Variants in INF2 observed in about 807,000 individuals in gnomAD.
The protein encoded by INF2 is inverted formin-2.
In INF2, 43 loss-of-function variants were observed where a neutral mutation model predicts 123.5. The ratio of observed to expected loss-of-function variants is 0.35; its 90% confidence interval spans 0.27 to 0.45. The LOEUF is 0.45. Among genes scored for constraint, INF2 ranks in the 20% least tolerant of loss-of-function variants. The pLI, the probability that INF2 is intolerant of heterozygous loss-of-function variation, is 1.00. For missense variants in INF2, 1,453 were observed against 1,682.7 expected (o/e 0.86, Z 2.39); for synonymous variants, 851 against 745.0 (o/e 1.14, Z -2.32).
chr14:104,708,395 G>GA, intron 8 of INF2, 41 bp from the exon 9 acceptor site: 1 of 1,585,970 alleles, frequency 6.3e-7, no homozygotes, highest in Non-Finnish European at 8.6e-7. Flanking sequence ...GCCAGGCCCC[G>GA]GGGCTGCGAG....
chr14:104,715,358 G>A lies in INF2; in HGVS notation c.*1+18G>A, dbSNP rs779702900. The A allele has an allele frequency of 9.9e-6, 16 of 1,609,576 alleles. No individual in the cohort carries two copies. Among genetic ancestry groups the A allele is most frequent in the East Asian group, 4.5e-5 (2 of 44,880 alleles). On this transcript the variant is annotated intron_variant, in intron 22 of 22. Coordinates refer to ENST00000392634, the MANE Select transcript of INF2 (RefSeq NM_022489.4). ...CCAGTAAGGTATGTACGCAGCCGGC[G>A]CTCCGTGGGGGCTAACAGCAGCTGC... is the stretch of plus-strand genomic sequence containing the variant.
chr14:104,695,531 G>A (rs369270252), intron 1 of INF2, among the ~76,000 whole-genome samples: 22 of 147,436 alleles, frequency 1.5e-4, no homozygotes, highest in South Asian at 1.2e-3. Flanking sequence ...GCTTCCTGGC[G>A]TGGGGCCTCC....
At chr14:104,685,428 C>T (rs1303079530), upstream of INF2, among the ~76,000 whole-genome samples, 1 of 152,118 alleles carries the variant, frequency 6.6e-6, no homozygotes, top group Non-Finnish European at 1.5e-5. Flanking sequence ...GGCAAAGCTG[C>T]CAGCTACAGA....
Position 104,721,579 on chromosome 14 carries a change from CCCAT to C in INF2, c.*2791_*2794del, listed in dbSNP as rs1221817065. On this transcript the variant is annotated 3_prime_UTR_variant, in exon 23 of 23. Coordinates refer to ENST00000392634, the MANE Select transcript of INF2 (RefSeq NM_022489.4). ...CAAAGCAGCTGCACCATTTTTCATT[CCCAT>C]CCATGCTATTGTTTTTCAGTTAAAT... is the stretch of plus-strand genomic sequence containing the variant. 3 of 153,922 alleles carry C rather than the reference CCCAT, an allele frequency of 1.9e-5. No individual in the cohort carries two copies. Among genetic ancestry groups the C allele is most frequent in the Non-Finnish European group, 4.3e-5 (3 of 69,164 alleles). 9.5% of individuals were successfully genotyped at this position (153,922 alleles called of 1,614,324 possible). A position where few individuals can be genotyped will look rare whatever the true frequency, so the allele number is the denominator to read the frequency against.
Position 104,707,776 on chromosome 14 carries a change from C to A in INF2, c.1509C>A (p.Pro503=). The A allele has an allele frequency of 2.9e-6, 4 of 1,375,650 alleles. No homozygotes were observed. Among genetic ancestry groups the A allele is most frequent in the South Asian group, 1.2e-5 (1 of 80,604 alleles). 85.2% of individuals were successfully genotyped at this position (1,375,650 alleles called of 1,614,324 possible). The change falls in exon 8 of 23, where the codon CCC becomes CCA. Residue 503 remains proline, a synonymous_variant. Coordinates refer to ENST00000392634, the MANE Select transcript of INF2 (RefSeq NM_022489.4). ...PLPGLGCPPP[P]PPLLPGMGWG... The stretch of plus-strand genomic sequence containing the variant: ...CGGGCTTGGGATGCCCGCCCCCACC[C>A]CCACCCCTGCTGCCTGGTATGGGCT...
chr14:104,713,225 G>C lies in INF2; in HGVS notation c.2794G>C (p.Glu932Gln), dbSNP rs1474020700. Residue 932 changes from glutamate to glutamine, a missense_variant, in exon 19 of 23, where the codon GAG becomes CAG. By Grantham distance (29) the Glu-to-Gln change is conservative. Coordinates refer to ENST00000392634, the MANE Select transcript of INF2 (RefSeq NM_022489.4). ...RALKENKDRK[E>Q]QAAKAERRKQ... ...AGTGCAGGAGAACAAGGACCGGAAGGAGCAGGCGGCGAAGGCAGAGAGGAG... is the reference window on the plus strand; with the variant it reads ...AGTGCAGGAGAACAAGGACCGGAAGCAGCAGGCGGCGAAGGCAGAGAGGAG... The C allele has an allele frequency of 7.7e-6, 12 of 1,554,926 alleles. No individual in the cohort carries two copies. The highest frequency in any genetic ancestry group is 1.0e-5 in the Non-Finnish European group (12 of 1,150,158).
chr14:104,684,049 T>C lies in INF2; in HGVS notation c.-104+2467T>C, dbSNP rs898505029. On this transcript the variant is annotated intron_variant, in intron 1 of 2. Transcript: ENST00000674723. The surrounding 1 kb of genome is among the most constrained non-coding windows in gnomAD (Gnocchi z 5.0). ...ACCAGGGTTGCAAGGCCCAGTGTCT[T>C]CTCACCTCGTTAGGTGGAGAACCCC... The C allele has an allele frequency of 2.2e-6, 1 of 455,890 alleles. No homozygotes were observed. The highest frequency in any genetic ancestry group is 4.4e-6 in the Non-Finnish European group (1 of 226,776). The allele number at this position is 455,890 out of a possible 1,614,324, so 28.2% of individuals were successfully genotyped here.
chr14:104,710,067 C>T (rs1263483656), intron 12 of INF2, 21 bp from the exon 13 acceptor site: 1 of 1,536,298 alleles, frequency 6.5e-7, no homozygotes, highest in African/African-American at 1.4e-5. Context: ...GGCCACTGAT[C>T]CCTGTCTGTG....
chr14:104,705,260 T>C (rs1889728147), intron 5 of INF2, among the ~76,000 whole-genome samples: 1 of 152,074 alleles, frequency 6.6e-6, no homozygotes, highest in Non-Finnish European at 1.5e-5. Context: ...CTACTAAAAG[T>C]ACAAAAATTA....
At chr14:104,687,394 T>C (rs1397219116), upstream of INF2, among the ~76,000 whole-genome samples, 1 of 151,940 alleles carries the variant, frequency 6.6e-6, no homozygotes, top group Non-Finnish European at 1.5e-5. This position sits in a 1 kb window ranked among gnomAD's most constrained non-coding sequence, Gnocchi z 5.6. Context: ...GGTTCAAGCC[T>C]GACGGAAAAC....
chr14:104,710,268 C>A, intron 13 of INF2, 80 bp downstream of exon 13: 1 of 985,096 alleles, frequency 1.0e-6, no homozygotes, highest in South Asian at 1.4e-5. Context: ...GGGGCCCCTG[C>A]TACTGCCAGT....
At position 104,707,375 on chromosome 14, in the gene INF2, G is replaced by A; in HGVS notation, c.1108G>A (p.Gly370Ser). 2 of 1,594,832 alleles carry A rather than the reference G, an allele frequency of 1.3e-6. No homozygotes were observed. The highest frequency in any genetic ancestry group is 1.7e-6 in the Non-Finnish European group (2 of 1,171,956). ...GGCCAACCTAGACCAGAGCCAGAGG[G>A]GCAGCTCCCCGCAAAACACTACAAC... ...VQANLDQSQR[G>S]SSPQNTTTPK... Residue 370 changes from glycine to serine, a missense_variant, in exon 8 of 23, where the codon GGC (glycine) becomes AGC (serine). This residue lies in a region of INF2 where 374 missense variants were observed against 303.7 expected (regional missense o/e 1.23). Transcript: ENST00000392634.
At chr14:104,690,661 C>T in intron 1 of INF2, 1 of 152,456 alleles carries the variant, frequency 6.6e-6, no homozygotes, top group Non-Finnish European at 1.5e-5. Flanking sequence ...TCCCTTACTG[C>T]CAGCCCTGCC....
intron 1 of INF2, among the ~76,000 whole-genome samples, chr14:104,691,936 C>A (rs1888972490): frequency 6.6e-6 from 1 of 152,058 alleles, no homozygotes; most frequent in Non-Finnish European, 1.5e-5. Flanking sequence ...ACCCTGGCAA[C>A]CACCAGGCCA....
At position 104,681,460 on chromosome 14, in the gene INF2, T is replaced by C. The variant is rs1206348883; in HGVS notation, c.-226T>C. ...CTGGGGCAGCGTCTAGGAGGCCTGA[T>C]GTAGAAAGCACTCAGCTAAGCCCTA... On this transcript the variant is annotated 5_prime_UTR_variant, in exon 1 of 3. Coordinates refer to the INF2 transcript ENST00000674723. The C allele has an allele frequency of 5.4e-6, 4 of 737,698 alleles. No homozygotes were observed. In the South Asian group the frequency reaches 5.7e-5, roughly 11 times the overall value. The allele number at this position is 737,698 out of a possible 1,614,324, so 45.7% of individuals were successfully genotyped here. A position where few individuals can be genotyped will look rare whatever the true frequency, so the allele number is the denominator to read the frequency against.
chr14:104,701,843 G>C, intron 2 of INF2, 87 bp downstream of exon 2: 1 of 1,363,590 alleles, frequency 7.3e-7, no homozygotes, highest in Non-Finnish European at 9.7e-7. Context: ...GGAGGCCTGG[G>C]GAACCACCAG....
upstream of INF2, among the ~76,000 whole-genome samples, chr14:104,687,465 CACACACACACACAT>C (rs1566769347): frequency 1.4e-5 from 2 of 145,138 alleles, no homozygotes; most frequent in South Asian, 2.2e-4. The surrounding 1 kb of genome is among the most constrained non-coding windows in gnomAD (Gnocchi z 5.6). Flanking sequence ...CCACTCCACA[CACACACACACACAT>C]ACACACACAC....
chr14:104,713,731 T>C, intron 20 of INF2, 125 bp downstream of exon 20: 1 of 1,079,342 alleles, frequency 9.3e-7, no homozygotes, highest in Non-Finnish European at 1.3e-6. Flanking sequence ...TGGAGGCCCC[T>C]AAGACTGGGG....
chr14:104,707,831 C>G lies in INF2; in HGVS notation c.1564C>G (p.Leu522Val). The stretch of plus-strand genomic sequence containing the variant: ...CCCTCCTCCACCCCCACCTCCACTA[C>G]TGCCCTGCACCTGCAGCCCCCCCGT... Reference protein sequence around the residue: ...WGPPPPPPPLLPCTCSPPVAG... With the variant: ...WGPPPPPPPLVPCTCSPPVAG... The change falls in exon 8 of 23, where the codon CTG (leucine) becomes GTG (valine). Residue 522 changes from leucine (L) to valine (V), a missense_variant. Leu to Val is a conservative substitution (Grantham distance 32, BLOSUM62 1). This residue lies in a region of INF2 where 374 missense variants were observed against 303.7 expected (regional missense o/e 1.23). Transcript: ENST00000392634. 6.3e-7 allele frequency: 1 copy of G among 1,585,334 alleles called. No homozygotes were observed. The highest frequency in any genetic ancestry group is 2.3e-5 in the East Asian group (1 of 43,806).
Sources: allele counts gnomAD v4.1 joint callset (sites outside exome capture counted in the v4.1 genomes callset), GRCh38; gene constraint gnomAD v4.1.1; regional missense constraint gnomAD v4.1.1; non-coding constraint Gnocchi (gnomAD v3.1); transcripts MANE v1.5; gene names NCBI Gene and HGNC (gene_info 2026-07-23, HGNC 2026-07-21).